SLC6A5: variants seen among roughly 807,000 people sequenced by gnomAD.
SLC6A5 encodes the protein solute carrier family 6 member 5, also known as sodium- and chloride-dependent glycine transporter 2.
A neutral mutation model predicts 90.5 loss-of-function variants in SLC6A5; 58 were observed. The ratio of observed to expected loss-of-function variants is 0.64; its 90% CI spans 0.52 to 0.80. The LOEUF (loss-of-function observed/expected upper bound fraction) is 0.80, where lower values mean the gene tolerates loss of function less well. Among genes scored for constraint, SLC6A5 ranks in the 30% least tolerant of loss-of-function variants. The pLI is 0.00. For synonymous variants in SLC6A5, 427 were observed against 401.4 expected (o/e 1.06, Z -0.76); for missense variants, 1,015 against 1,017.6 (o/e 1.00, Z 0.03).
chr11:20,628,017 T>C lies in SLC6A5; in HGVS notation c.1433T>C (p.Leu478Ser). 6.2e-7 allele frequency: 1 copy of C among 1,614,158 alleles called. No individual in the cohort carries two copies. ...KDAATQIFFS[L>S]SAAWGGLITL... ...GCTGCCACTCAGATTTTCTTCTCTT[T>C]ATCTGCTGCATGGGGAGGCCTGATC... The change falls in exon 9 of 16, where the codon TTA (leucine) becomes TCA (serine). Residue 478 changes from leucine (L) to serine (S), a missense_variant. Coordinates refer to ENST00000525748, the MANE Select transcript of SLC6A5 (RefSeq NM_004211.5).
intron 11 of SLC6A5, among the ~76,000 whole-genome samples, chr11:20,636,780 G>A (rs182497669): frequency 5.3e-5 from 8 of 152,274 alleles, no homozygotes; most frequent in East Asian, 1.9e-4. Flanking sequence ...TGAGACAACC[G>A]CAGATCATGC....
intron 10 of SLC6A5, among the ~76,000 whole-genome samples, 185 bp from the exon 11 acceptor site, chr11:20,636,122 T>A (rs962933009): frequency 1.3e-5 from 2 of 152,154 alleles, no homozygotes; most frequent in Admixed American, 1.3e-4. Flanking sequence ...CCTTTGGTCT[T>A]CCCCTTCAAG....
At chr11:20,600,674 T>C (rs1852453090) in intron 1 of SLC6A5, among the ~76,000 whole-genome samples, 1 of 152,160 alleles carries the variant, frequency 6.6e-6, no homozygotes, top group African/African-American at 2.4e-5. Flanking sequence ...GGCATCAGCT[T>C]TGTGGCCACA....
At chr11:20,605,746 C>T (rs1459736893) in intron 3 of SLC6A5, among the ~76,000 whole-genome samples, 3 of 152,164 alleles carry the variant, frequency 2.0e-5, no homozygotes, top group African/African-American at 7.2e-5. Flanking sequence ...GAGCCAGGCT[C>T]TGTGATGCGA....
At chr11:20,605,600 C>T (rs1434311296) in intron 3 of SLC6A5, among the ~76,000 whole-genome samples, 2 of 152,196 alleles carry the variant, frequency 1.3e-5, no homozygotes, top group East Asian at 3.9e-4. Context: ...CTTCCAGTGA[C>T]TAGAAGGGGA....
At chr11:20,637,072 C>T in intron 11 of SLC6A5, 100 bp from the exon 12 acceptor site, 2 of 1,314,120 alleles carry the variant, frequency 1.5e-6, no homozygotes, top group Admixed American at 1.7e-5. Context: ...CCAAACCTAA[C>T]ACAAATACAA....
chr11:20,636,012 C>T (rs1853198339), intron 10 of SLC6A5, among the ~76,000 whole-genome samples: 1 of 152,178 alleles, frequency 6.6e-6, no homozygotes, highest in Admixed American at 6.5e-5. Context: ...GTACATGGTA[C>T]ACAGCCTAGC....
At chr11:20,647,827 A>T (rs543965510) in intron 14 of SLC6A5, among the ~76,000 whole-genome samples, 1 of 152,344 alleles carries the variant, frequency 6.6e-6, no homozygotes, top group South Asian at 2.1e-4. Flanking sequence ...TGTTCAACAC[A>T]GCTGCTCTAC....
intron 2 of SLC6A5, among the ~76,000 whole-genome samples, chr11:20,602,567 T>A (rs1852500460): frequency 6.6e-6 from 1 of 152,186 alleles, no homozygotes; most frequent in African/African-American, 2.4e-5. Context: ...TTTCTGCTAT[T>A]TCCTCTCCTT....
In SLC6A5 at chr11:20,601,211, C is replaced by T. The variant is rs767211408; in HGVS notation, c.86C>T (p.Pro29Leu). ...AAAAQGHPDG[P>L]CAPRTSPEQE... is the part of the protein sequence containing the mutation. ...GCGGCGCAGGGCCACCCGGATGGCC[C>T]ATGCGCTCCCAGGACGAGCCCGGAG... Residue 29 changes from proline to leucine, a missense_variant, in exon 2 of 16, where the codon CCA becomes CTA. Transcript: ENST00000525748. The T allele has an allele frequency of 9.5e-6, 15 of 1,583,294 alleles. No individual in the cohort carries two copies. Among genetic ancestry groups the T allele is most frequent in the Non-Finnish European group, 1.0e-5 (12 of 1,172,418 alleles).
At chr11:20,644,209 A>C (rs1853366597) in intron 13 of SLC6A5, among the ~76,000 whole-genome samples, 1 of 152,150 alleles carries the variant, frequency 6.6e-6, no homozygotes, top group South Asian at 2.1e-4. Flanking sequence ...TAACTGAAAC[A>C]CTGTATCCTT....
intron 6 of SLC6A5, among the ~76,000 whole-genome samples, chr11:20,615,903 T>C (rs1163343913): frequency 2.0e-5 from 3 of 152,254 alleles, no homozygotes; most frequent in Admixed American, 6.5e-5. Context: ...CCAGCTCCTC[T>C]GATCACTGCC....
intron 5 of SLC6A5, among the ~76,000 whole-genome samples, chr11:20,610,150 T>C (rs1477342798): frequency 1.3e-5 from 2 of 152,252 alleles, no homozygotes; most frequent in Non-Finnish European, 2.9e-5. Context: ...GTAAAGAGAA[T>C]CCCATTCCAC....
At position 20,612,200 on chromosome 11, in the gene SLC6A5, A is replaced by G. The variant is rs189442362; in HGVS notation, c.986-2479A>G. Among the ~76,000 whole-genome samples, 1,299 of 152,330 alleles carry G rather than the reference A, an allele frequency of 8.5e-3. 19 individuals carry two copies. Among genetic ancestry groups the G allele is most frequent in the Non-Finnish European group, 0.012 (818 of 68,030 alleles). On this transcript the variant is annotated intron_variant, in intron 5 of 15. Coordinates refer to ENST00000525748, the MANE Select transcript of SLC6A5 (RefSeq NM_004211.5). ...CAATTTATGGCAGGCAAGTGGCCTTACGGGAGATGATGCTGAAGACTAGAG... is the reference window on the plus strand; with the variant it reads ...CAATTTATGGCAGGCAAGTGGCCTTGCGGGAGATGATGCTGAAGACTAGAG...
chr11:20,652,398 T>C lies in SLC6A5; in HGVS notation c.2180T>C (p.Ile727Thr), dbSNP rs755310853. 9.3e-6 allele frequency: 15 copies of C among 1,614,036 alleles called. No individual in the cohort carries two copies. The Admixed American group carries it at 2.5e-4, about 27-fold the overall frequency. Residue 727 changes from isoleucine to threonine, a missense_variant, in exon 15 of 16, where the codon ATC becomes ACC. Physicochemically the swap from Ile to Thr is moderately conservative, Grantham distance 89. Around this residue, in one of 3 missense-constraint regions of SLC6A5, gnomAD observed 442 missense variants for 494.3 expected, o/e 0.89. Transcript: ENST00000525748. ...LGWLMLACSV[I>T]WIPIMFVIKM... ...TGGCTAATGCTCGCCTGTTCCGTCA[T>C]CTGGATCCCAATTATGTTTGTGATA...
chr11:20,607,744 C>T, intron 5 of SLC6A5, 92 bp downstream of exon 5: 1 of 990,710 alleles, frequency 1.0e-6, no homozygotes, highest in Non-Finnish European at 1.6e-6. Context: ...CATGCTAGGA[C>T]CTATACTAGG....
intron 5 of SLC6A5, among the ~76,000 whole-genome samples, chr11:20,613,800 C>T (rs2133783630): frequency 6.6e-6 from 1 of 152,014 alleles, no homozygotes; most frequent in South Asian, 2.1e-4. Flanking sequence ...TTTAGGACTA[C>T]AGGTGTGTGC....
chr11:20,609,063 C>A (rs1406034630), intron 5 of SLC6A5, among the ~76,000 whole-genome samples: 2 of 151,914 alleles, frequency 1.3e-5, no homozygotes, highest in African/African-American at 2.4e-5. Flanking sequence ...AAGCCCCTGT[C>A]TCTGGCTTCC....
At chr11:20,643,066 G>A (rs1301766728) in intron 13 of SLC6A5, among the ~76,000 whole-genome samples, 1 of 152,134 alleles carries the variant, frequency 6.6e-6, no homozygotes, top group Non-Finnish European at 1.5e-5. Flanking sequence ...CCTCTTACAG[G>A]AGGCTGCTTA....
Sources: allele counts gnomAD v4.1 joint callset (sites outside exome capture counted in the v4.1 genomes callset), GRCh38; gene constraint gnomAD v4.1.1; regional missense constraint gnomAD v4.1.1; transcripts MANE v1.5; gene names NCBI Gene and HGNC (gene_info 2026-07-23, HGNC 2026-07-21).